Variants in FAM81A observed in about 807,000 individuals in gnomAD.
FAM81A encodes the protein protein FAM81A.
FAM81A carries 19 observed loss-of-function variants against 46.7 expected under a neutral mutation model. The observed-to-expected ratio is 0.41, with a 90% CI of 0.28 to 0.60. The LOEUF is 0.60. Ranked by LOEUF, FAM81A falls within the 20% of genes least tolerant of loss-of-function variation. The probability of loss-of-function intolerance (pLI) is 0.34; values close to 1 mark genes in which losing one functional copy is unlikely to be tolerated. For missense variants in FAM81A, 377 were observed against 453.5 expected, an observed-to-expected ratio of 0.83 and a Z score of 1.53; for synonymous variants, 183 against 152.9, an observed-to-expected ratio of 1.20 and a Z score of -1.45.
intron 3 of FAM81A, among the ~76,000 whole-genome samples, chr15:59,473,535 A>G (rs2081725241): frequency 6.6e-6 from 1 of 152,142 alleles, no homozygotes; most frequent in African/African-American, 2.4e-5. Context: ...AACTTTTCCC[A>G]TGTTTCACAT....
At chr15:59,398,556 C>T (rs568281174) in intron 1 of FAM81A, among the ~76,000 whole-genome samples, 8 of 150,150 alleles carry the variant, frequency 5.3e-5, no homozygotes, top group Admixed American at 1.3e-4. Flanking sequence ...GCTACAAGTT[C>T]GAGACTAGCC....
At position 59,461,402 on chromosome 15, in the gene FAM81A, C is replaced by T. The variant is rs956539109; in HGVS notation, c.294+1196C>T. 9.9e-5 allele frequency among the ~76,000 whole-genome samples: 15 copies of T among 152,182 alleles called. No homozygotes were observed. In the South Asian group the frequency reaches 1.0e-3, roughly 11 times the overall value. ...TCAGGCTCAACCGATCCTCCTGCAT[C>T]GGCGTCCCAAGTAGCTGGGACTACA... On this transcript the variant is annotated intron_variant, in intron 3 of 8. Coordinates refer to ENST00000288228, the MANE Select transcript of FAM81A (RefSeq NM_152450.3).
chr15:59,427,794 A>T (rs572071140), intron 2 of FAM81A, among the ~76,000 whole-genome samples: 5 of 152,226 alleles, frequency 3.3e-5, no homozygotes, highest in African/African-American at 4.8e-5. Context: ...TATTTTCTTT[A>T]TCCATTCATC....
At chr15:59,473,494 G>A (rs1484526289) in intron 3 of FAM81A, among the ~76,000 whole-genome samples, 2 of 152,210 alleles carry the variant, frequency 1.3e-5, no homozygotes, top group African/African-American at 2.4e-5. Flanking sequence ...CTGCAGATAA[G>A]AGGGTGCCAG....
At chr15:59,505,470 C>G (rs1376211884) in intron 4 of FAM81A, among the ~76,000 whole-genome samples, 2 of 151,714 alleles carry the variant, frequency 1.3e-5, no homozygotes, top group Non-Finnish European at 2.9e-5. Context: ...CGAGATCACG[C>G]CACTGCACTC....
rs192749323 is a variant in FAM81A, at chr15:59,448,212, A to G, written c.-78+9930A>G. Among the ~76,000 whole-genome samples, 181 of 152,240 alleles carry G rather than the reference A, an allele frequency of 1.2e-3. 1 individual carries two copies. Among genetic ancestry groups the G allele is most frequent in the African/African-American group, 3.7e-3 (155 of 41,536 alleles). On this transcript the variant is annotated intron_variant, in intron 1 of 8. Coordinates refer to ENST00000288228, the MANE Select transcript of FAM81A (RefSeq NM_152450.3). ...GACAACATGGCGAAACCCCGCCTCT[A>G]CTAAAAATACAAAAATTAGCTGTGT...
At chr15:59,469,232 G>C (rs1375063585) in intron 3 of FAM81A, among the ~76,000 whole-genome samples, 11 of 152,190 alleles carry the variant, frequency 7.2e-5, no homozygotes, top group African/African-American at 2.7e-4. Flanking sequence ...AGGTCTGCCT[G>C]TTGCAGAGCT....
chr15:59,519,465 T>TCC (rs2082304012), intron 8 of FAM81A, among the ~76,000 whole-genome samples: 1 of 82,194 alleles, frequency 1.2e-5, no homozygotes, highest in Admixed American at 1.5e-4. Flanking sequence ...CCTCCCTCCC[T>TCC]CCCTCCTTTC....
chr15:59,513,025 C>T, intron 6 of FAM81A, among the ~76,000 whole-genome samples: 1 of 152,140 alleles, frequency 6.6e-6, no homozygotes, highest in South Asian at 2.1e-4. Flanking sequence ...AGTGGTAGCT[C>T]TACTACAATG....
intron 6 of FAM81A, among the ~76,000 whole-genome samples, chr15:59,512,795 C>T (rs2082226651): frequency 6.6e-6 from 1 of 152,190 alleles, no homozygotes; most frequent in African/African-American, 2.4e-5. Flanking sequence ...CAGTCCTCGT[C>T]CCTTCCCAGT....
intron 4 of FAM81A, among the ~76,000 whole-genome samples, chr15:59,500,139 C>T (rs1226736472): frequency 6.6e-6 from 1 of 152,156 alleles, no homozygotes; most frequent in South Asian, 2.1e-4. Flanking sequence ...AGGCGTGAGC[C>T]ACCATGCCCG....
chr15:59,489,239 G>A (rs758117665), intron 3 of FAM81A, among the ~76,000 whole-genome samples: 5 of 151,634 alleles, frequency 3.3e-5, no homozygotes, highest in African/African-American at 9.7e-5. Flanking sequence ...CACTCTAGCC[G>A]GGACAACAGA....
chr15:59,487,968 A>G (rs930875253), intron 3 of FAM81A, among the ~76,000 whole-genome samples: 1 of 152,156 alleles, frequency 6.6e-6, no homozygotes, highest in East Asian at 1.9e-4. Flanking sequence ...CAACAAAAAA[A>G]CAAAAAACCT....
chr15:59,470,578 A>G (rs376845921), intron 3 of FAM81A, among the ~76,000 whole-genome samples: 1 of 152,130 alleles, frequency 6.6e-6, no homozygotes, highest in African/African-American at 2.4e-5. Context: ...TCTTCTCTAC[A>G]CTGTTTATTC....
intron 6 of FAM81A, among the ~76,000 whole-genome samples, chr15:59,511,473 C>T (rs77921804): frequency 6.6e-6 from 1 of 152,076 alleles, no homozygotes; most frequent in African/African-American, 2.4e-5. Flanking sequence ...AAAGTGTTAG[C>T]AAGGATGTGG....
chr15:59,478,329 A>G (rs1401542481), intron 3 of FAM81A, among the ~76,000 whole-genome samples: 1 of 152,210 alleles, frequency 6.6e-6, no homozygotes, highest in Admixed American at 6.5e-5. Flanking sequence ...CCCTCATCTA[A>G]TTGAATATAT....
chr15:59,403,437 G>T lies in FAM81A; in HGVS notation c.-78+1079G>T, dbSNP rs947107615. Among the ~76,000 whole-genome samples, 206 of 152,350 alleles carry T rather than the reference G, an allele frequency of 1.4e-3. 1 individual carries two copies. Among genetic ancestry groups the T allele is most frequent in the African/African-American group, 4.7e-3 (194 of 41,580 alleles). ...AGGCCACACAAGGACACAGTGAGAA[G>T]GTGGCTGTCTGCAAGCAGGGGAGAG... On this transcript the variant is annotated intron_variant, in intron 2 of 4. Transcript: ENST00000558348.
intron 3 of FAM81A, among the ~76,000 whole-genome samples, chr15:59,487,911 A>G (rs2081937622): frequency 6.6e-6 from 1 of 152,150 alleles, no homozygotes; most frequent in Non-Finnish European, 1.5e-5. Context: ...TGAGGCCAGT[A>G]TTACCTTGGT....
At chr15:59,485,260 G>A (rs1476459545) in intron 3 of FAM81A, among the ~76,000 whole-genome samples, 1 of 152,192 alleles carries the variant, frequency 6.6e-6, no homozygotes, top group Non-Finnish European at 1.5e-5. Context: ...CTAGGGCCTT[G>A]AGTGAACATA....
Sources: allele counts gnomAD v4.1 joint callset (sites outside exome capture counted in the v4.1 genomes callset), GRCh38; gene constraint gnomAD v4.1.1; transcripts MANE v1.5; gene names NCBI Gene and HGNC (gene_info 2026-07-23, HGNC 2026-07-21).